The following NOX1 variants were observed in gnomAD, a reference collection of about 807,000 sequenced individuals.
NOX1 encodes NADPH oxidase 1.
NOX1 carries 34 observed loss-of-function variants against 42.5 expected under a neutral mutation model. The observed-to-expected ratio is 0.80, with a 90% confidence interval of 0.61 to 1.07. The LOEUF (loss-of-function observed/expected upper bound fraction) is 1.07. Among genes scored for constraint, NOX1 ranks in the 50% least tolerant of loss-of-function variants. The pLI, the probability that NOX1 is intolerant of heterozygous loss-of-function variation, is 0.00. For missense variants in NOX1, 408 were observed against 427.0 expected, an observed-to-expected ratio of 0.96 and a Z score of 0.39; for synonymous variants, 143 against 152.5, an observed-to-expected ratio of 0.94 and a Z score of 0.46.
chrX:100,874,241 T>A lies in NOX1; in HGVS notation c.-102A>T. On this transcript the variant is annotated 5_prime_UTR_variant, in exon 1 of 13. Coordinates refer to ENST00000372966, the MANE Select transcript of NOX1 (RefSeq NM_007052.5). The stretch of plus-strand genomic sequence containing the variant: ...AATGGAACATTTGTCCAGCGCAGGG[T>A]CTGTGAGCCTTTAAGATGTGAAAAA... The A allele has an allele frequency of 1.8e-6, 1 of 554,103 alleles. No individual in the cohort carries two copies. The highest frequency in any genetic ancestry group is 3.1e-6 in the Non-Finnish European group (1 of 322,914). The allele number at this position is 554,103 out of a possible 1,213,427, so 45.7% of individuals were successfully genotyped here. A position where few individuals can be genotyped will look rare whatever the true frequency, so the allele number is the denominator to read the frequency against.
rs763600324 is a variant in NOX1, at chrX:100,874,351, T to C, written c.-212A>G. The C allele has an allele frequency of 3.2e-5, 11 of 348,510 alleles. No individual in the cohort carries two copies. Among genetic ancestry groups the C allele is most frequent in the African/African-American group, 7.9e-5 (3 of 37,839 alleles). The allele number at this position is 348,510 out of a possible 1,213,427, so 28.7% of individuals were successfully genotyped here. A position where few individuals can be genotyped will look rare whatever the true frequency, so the allele number is the denominator to read the frequency against. On this transcript the variant is annotated 5_prime_UTR_variant, in exon 1 of 13. Transcript: ENST00000372966. The stretch of plus-strand genomic sequence containing the variant: ...GACAGAACTGTGCTATCAGCTTAGA[T>C]AGACCAGCCCTATCTATGAGAACCA...
At chrX:100,853,214 T>A (rs985961145) in intron 7 of NOX1, among the ~76,000 whole-genome samples, 3 of 106,758 alleles carry the variant, frequency 2.8e-5, no homozygotes, top group Non-Finnish European at 5.7e-5. Context: ...ATATTTTCCT[T>A]CTCTTTCTCT....
At chrX:100,847,009 G>GT (rs1417897401) in intron 12 of NOX1, among the ~76,000 whole-genome samples, 1 of 111,718 alleles carries the variant, frequency 9.0e-6, no homozygotes, top group African/African-American at 3.3e-5. Flanking sequence ...CCAATATGGC[G>GT]AAACCCCATC....
chrX:100,862,734 A>G lies in NOX1; in HGVS notation c.424T>C (p.Ser142Pro). 1 of 1,200,251 alleles carries G rather than the reference A, an allele frequency of 8.3e-7. No individual in the cohort carries two copies. The highest frequency in any genetic ancestry group is 1.8e-5 in the South Asian group (1 of 54,764). ...ATDGSLASIL[S>P]SLSHDEKKGG... ...TTTTTCTCATCATGAGATAGGCTGG[A>G]GAGAATGGAGGCAAGGGAGCCATCT... The change falls in exon 5 of 13, where the codon TCC becomes CCC. Residue 142 changes from serine (S) to proline (P), a missense_variant. Ser to Pro is a moderately conservative substitution (Grantham distance 74, BLOSUM62 -1). Coordinates refer to ENST00000372966, the MANE Select transcript of NOX1 (RefSeq NM_007052.5).
intron 8 of NOX1, 102 bp downstream of exon 8, chrX:100,851,131 G>T: frequency 3.9e-6 from 2 of 515,079 alleles, no homozygotes; most frequent in Non-Finnish European, 6.3e-6. Flanking sequence ...ACTGTGCCCA[G>T]TTTCCAAGTT....
At chrX:100,846,000 A>T (rs984538350) in intron 12 of NOX1, among the ~76,000 whole-genome samples, 17 of 109,989 alleles carry the variant, frequency 1.5e-4, no homozygotes, top group Admixed American at 4.8e-4. Context: ...GTTAGCCAGG[A>T]TGGTCTCGAT....
At chrX:100,859,103 T>C (rs1462433788) in intron 7 of NOX1, among the ~76,000 whole-genome samples, 2 of 111,923 alleles carry the variant, frequency 1.8e-5, no homozygotes, top group Non-Finnish European at 3.8e-5. Context: ...TGAAATATGT[T>C]CCAGCAATGC....
intron 7 of NOX1, 131 bp downstream of exon 7, chrX:100,862,040 A>T: frequency 1.4e-6 from 1 of 736,154 alleles, no homozygotes; most frequent in Non-Finnish European, 1.9e-6. Flanking sequence ...GGAACCCCAT[A>T]GATATCCTTC....
In NOX1 at chrX:100,862,531, C is replaced by T; in HGVS notation, c.532G>A (p.Gly178Arg). The T allele has an allele frequency of 8.3e-7, 1 of 1,210,694 alleles. No individual in the cohort carries two copies. Among genetic ancestry groups the T allele is most frequent in the Non-Finnish European group, 1.1e-6 (1 of 894,671 alleles). ...ATCAAGGCTATTGTCATGATCACTC[C>T]AGTGAGACCAGCAATGCTGGTGAAT... is the stretch of plus-strand genomic sequence containing the variant. Reference protein sequence around the residue: ...VTFTSIAGLTGVIMTIALILM... With the variant: ...VTFTSIAGLTRVIMTIALILM... Residue 178 changes from glycine to arginine, a missense_variant, in exon 6 of 13, where the codon GGA becomes AGA. Gly to Arg is a moderately radical substitution (Grantham distance 125). Coordinates refer to ENST00000372966, the MANE Select transcript of NOX1 (RefSeq NM_007052.5).
intron 7 of NOX1, among the ~76,000 whole-genome samples, chrX:100,859,047 A>AGTATGATGTTG (rs2085185805): frequency 8.9e-6 from 1 of 111,852 alleles, no homozygotes; most frequent in African/African-American, 3.3e-5. Flanking sequence ...TTGCCCATTC[A>AGTATGATGTTG]GTATGATGTT....
At position 100,850,271 on chromosome X, in the gene NOX1, T is replaced by C. The variant is rs755237207; in HGVS notation, c.1013A>G (p.His338Arg). Residue 338 changes from histidine (H) to arginine (R), a missense_variant, in exon 9 of 13, where the codon CAT becomes CGT. Coordinates refer to ENST00000372966, the MANE Select transcript of NOX1 (RefSeq NM_007052.5). Reference sequence around the variant, plus strand: ...TGGAGCAGAGGTCAAAGTAAAAGGATGCCATTCCAGGAGAGAGATTGAGGG... The same window carrying C: ...TGGAGCAGAGGTCAAAGTAAAAGGACGCCATTCCAGGAGAGAGATTGAGGG... Reference protein sequence around the residue: ...NCPSISLLEWHPFTLTSAPEE... With the variant: ...NCPSISLLEWRPFTLTSAPEE... 1.7e-6 allele frequency: 2 copies of C among 1,210,257 alleles called. No individual in the cohort carries two copies. Among genetic ancestry groups the C allele is most frequent in the East Asian group, 5.9e-5 (2 of 33,836 alleles).
At chrX:100,866,927 C>A (rs1418025599) in intron 2 of NOX1, among the ~76,000 whole-genome samples, 1 of 111,636 alleles carries the variant, frequency 9.0e-6, no homozygotes, top group African/African-American at 3.3e-5. Context: ...CCTGTAATAC[C>A]CGGCCTTTGG....
intron 7 of NOX1, among the ~76,000 whole-genome samples, chrX:100,858,066 G>T (rs2085179528): frequency 1.8e-5 from 2 of 111,628 alleles, no homozygotes; most frequent in Non-Finnish European, 3.8e-5. Context: ...ATAGTTTGGG[G>T]TTTTACATTT....
chrX:100,859,214 C>T (rs767093018), intron 7 of NOX1, among the ~76,000 whole-genome samples: 57 of 111,959 alleles, frequency 5.1e-4, no homozygotes, highest in Non-Finnish European at 1.0e-3. Flanking sequence ...CTTTAGTTCT[C>T]TTTATGTGAT....
intron 7 of NOX1, among the ~76,000 whole-genome samples, chrX:100,852,538 T>C (rs768363589): frequency 8.9e-5 from 10 of 112,690 alleles, no homozygotes; most frequent in African/African-American, 2.6e-4. Flanking sequence ...AGTTTGCTTC[T>C]ACCTGCACAG....
chrX:100,870,744 T>A lies in NOX1; in HGVS notation c.116A>T (p.Tyr39Phe). Residue 39 changes from tyrosine (Y) to phenylalanine (F), a missense_variant, in exon 2 of 13, where the codon TAC (tyrosine) becomes TTC (phenylalanine). Transcript: ENST00000372966. ...AFLKYEKADK[Y>F]YYTRKILGST... ...CCCAAGGATTTTTCTTGTGTAGTAG[T>A]ATTTGTCGGCCTTCTCATATTTCAG... The A allele has an allele frequency of 8.4e-7, 1 of 1,189,330 alleles. No homozygotes were observed. Among genetic ancestry groups the A allele is most frequent in the Non-Finnish European group, 1.1e-6 (1 of 876,115 alleles).
At chrX:100,862,143 A>G in intron 7 of NOX1, 28 bp downstream of exon 7, 1 of 1,202,961 alleles carries the variant, frequency 8.3e-7, no homozygotes, top group Non-Finnish European at 1.1e-6. Context: ...TCCTAACAAG[A>G]GTCTGTCCTT....
chrX:100,859,088 T>C (rs1394035165), intron 7 of NOX1, among the ~76,000 whole-genome samples: 1 of 111,952 alleles, frequency 8.9e-6, no homozygotes, highest in Non-Finnish European at 1.9e-5. Context: ...TGGCTCTTGT[T>C]ATTTTGAAAT....
rs147882804 is a variant in NOX1, at chrX:100,863,170, C to A, written c.326G>T (p.Cys109Phe). The change falls in exon 4 of 13, where the codon TGC (cysteine) becomes TTC (phenylalanine). Residue 109 changes from cysteine to phenylalanine, a missense_variant. Cys to Phe is a radical substitution (Grantham distance 205). Transcript: ENST00000372966. Reference sequence around the variant, plus strand: ...ATTGCCTGAGTTACCTGTATGTAGGCAGATCATATAGGCCACCAGCTTGTG... The same window carrying A: ...ATTGCCTGAGTTACCTGTATGTAGGAAGATCATATAGGCCACCAGCTTGTG... ...TFHKLVAYMICLHTAIHIIAH... is the reference protein window; with the variant it reads ...TFHKLVAYMIFLHTAIHIIAH... 8.3e-6 allele frequency: 10 copies of A among 1,199,962 alleles called. No individual in the cohort carries two copies. The highest frequency in any genetic ancestry group is 1.1e-5 in the Non-Finnish European group (10 of 884,792).
Sources: allele counts gnomAD v4.1 joint callset (sites outside exome capture counted in the v4.1 genomes callset), GRCh38; gene constraint gnomAD v4.1.1; transcripts MANE v1.5; gene names NCBI Gene and HGNC (gene_info 2026-07-23, HGNC 2026-07-21).